Variants in HNMT observed in about 807,000 individuals in gnomAD.
The protein encoded by HNMT is histamine N-methyltransferase.
In HNMT, 30 loss-of-function variants were observed where a neutral mutation model predicts 32.1. The observed-to-expected ratio is 0.93, with a 90% confidence interval of 0.70 to 1.27. HNMT has a LOEUF of 1.27. Ranked by LOEUF, HNMT falls within the 50% of genes most tolerant of loss-of-function variation. The pLI is 0.00. For missense variants in HNMT, 327 were observed against 346.0 expected (o/e 0.95, Z 0.43); for synonymous variants, 125 against 119.0 (o/e 1.05, Z -0.33).
intron 2 of HNMT, among the ~76,000 whole-genome samples, chr2:137,971,182 G>A (rs1039108927): frequency 4.0e-5 from 6 of 151,204 alleles, no homozygotes; most frequent in Non-Finnish European, 7.4e-5. Context: ...TAACTCCTAA[G>A]CACCTTTTTT....
intron 5 of HNMT, among the ~76,000 whole-genome samples, chr2:138,007,640 G>C (rs796803040): frequency 1.3e-5 from 2 of 151,976 alleles, no homozygotes; most frequent in South Asian, 4.1e-4. Flanking sequence ...GCCATCCACT[G>C]TGTGCTCCAA....
At chr2:138,012,151 T>C (rs1681524999) in intron 5 of HNMT, among the ~76,000 whole-genome samples, 1 of 152,168 alleles carries the variant, frequency 6.6e-6, no homozygotes, top group African/African-American at 2.4e-5. Context: ...TAAGCACTTA[T>C]TACACATCTT....
At chr2:137,981,195 C>T in intron 2 of HNMT, 3 of 1,610,486 alleles carry the variant, frequency 1.9e-6, no homozygotes, top group Non-Finnish European at 1.7e-6. Context: ...GTCTTTAATC[C>T]CCTATTTTCT....
rs773929463 is a variant in HNMT at position 138,005,167 on chromosome 2, G to C, written c.465G>C (p.Leu155=). 3.1e-6 allele frequency: 5 copies of C among 1,603,448 alleles called. No individual in the cohort carries two copies. In the South Asian group the frequency reaches 5.5e-5, roughly 18 times the overall value. ...ATGTAAAAGACATCCCAGCTACCCT[G>C]AAATTCTTCCATAGTCTCTTAGGTA... ...LYYVKDIPAT[L]KFFHSLLGTN... Residue 155 remains leucine, a synonymous_variant, in exon 5 of 6, where the codon CTG becomes CTC. Transcript: ENST00000280097.
intron 1 of HNMT, among the ~76,000 whole-genome samples, chr2:137,965,857 C>T (rs573759439): frequency 9.9e-5 from 15 of 152,184 alleles, no homozygotes; most frequent in African/African-American, 3.6e-4. Flanking sequence ...GAAGAGGTAC[C>T]GTGGATGGAG....
intron 2 of HNMT, among the ~76,000 whole-genome samples, chr2:137,979,269 T>A (rs999618360): frequency 2.0e-4 from 30 of 150,564 alleles, no homozygotes; most frequent in Non-Finnish European, 4.4e-5. Flanking sequence ...TATACTTTTA[T>A]TTATTTATTT....
At chr2:137,974,648 C>A (rs1680234291) in intron 2 of HNMT, among the ~76,000 whole-genome samples, 1 of 152,118 alleles carries the variant, frequency 6.6e-6, no homozygotes, top group Non-Finnish European at 1.5e-5. Flanking sequence ...TGTTCAAATG[C>A]CAGAAAGTTT....
chr2:137,992,993 C>A (rs1351471492), intron 2 of HNMT, among the ~76,000 whole-genome samples: 1 of 152,122 alleles, frequency 6.6e-6, no homozygotes, highest in African/African-American at 2.4e-5. Flanking sequence ...AAAGCAACAA[C>A]AACAGCATCA....
chr2:137,986,542 T>C (rs945053276), intron 2 of HNMT, among the ~76,000 whole-genome samples: 1 of 152,148 alleles, frequency 6.6e-6, no homozygotes, highest in Non-Finnish European at 1.5e-5. Flanking sequence ...TTACTCAGTC[T>C]ACCAATTCAA....
rs5834598 is a variant in HNMT, at chr2:137,987,601, CTTTTTT to C, written c.191-13294_191-13289del. ...ATTCAGTTAGAAAGGACAATGGCCA[CTTTTTT>C]TTTTTTTTTTTTTTTTTTTTTTACT... On this transcript the variant is annotated intron_variant, in intron 2 of 5. Coordinates refer to ENST00000280097, the MANE Select transcript of HNMT (RefSeq NM_006895.3). Among the ~76,000 whole-genome samples, 9 of 70,286 alleles carry C rather than the reference CTTTTTT, an allele frequency of 1.3e-4. No individual in the cohort carries two copies. The East Asian group carries it at 1.6e-3, about 13-fold the overall frequency. 46.1% of individuals were successfully genotyped at this position (70,286 alleles called of 152,430 possible).
At chr2:137,983,383 G>C (rs184381108) in intron 2 of HNMT, among the ~76,000 whole-genome samples, 1 of 151,888 alleles carries the variant, frequency 6.6e-6, no homozygotes, top group Non-Finnish European at 1.5e-5. Context: ...TTATGTTTCC[G>C]ATTACCAATC....
intron 2 of HNMT, among the ~76,000 whole-genome samples, chr2:137,994,337 A>G (rs886405761): frequency 6.6e-6 from 1 of 152,216 alleles, no homozygotes; most frequent in Non-Finnish European, 1.5e-5. Flanking sequence ...AGGAAAATTT[A>G]CCAAGCAAAT....
At chr2:138,003,276 A>G (rs1573674771) in intron 4 of HNMT, among the ~76,000 whole-genome samples, 1 of 152,254 alleles carries the variant, frequency 6.6e-6, no homozygotes, top group Non-Finnish European at 1.5e-5. Context: ...TTGAGTAGAT[A>G]GCATGGGGCT....
chr2:137,985,024 A>T (rs1680609963), intron 2 of HNMT, among the ~76,000 whole-genome samples: 1 of 152,186 alleles, frequency 6.6e-6, no homozygotes, highest in African/African-American at 2.4e-5. Context: ...CAATCATGTC[A>T]TGAAGTTCTA....
At chr2:137,981,524 G>A (rs757560588) in intron 2 of HNMT, 3 of 671,248 alleles carry the variant, frequency 4.5e-6, no homozygotes, top group Non-Finnish European at 7.8e-6. Context: ...CCCACCATCC[G>A]TAAAATTAGG....
intron 2 of HNMT, among the ~76,000 whole-genome samples, chr2:137,989,581 C>G (rs1680756680): frequency 6.6e-6 from 1 of 152,188 alleles, no homozygotes. Context: ...TTTTGTGTGA[C>G]TGTAAGTTTT....
chr2:138,005,936 C>G (rs1681318360), intron 5 of HNMT, among the ~76,000 whole-genome samples: 1 of 151,956 alleles, frequency 6.6e-6, no homozygotes, highest in African/African-American at 2.4e-5. Context: ...AGATACACAG[C>G]AGACTCTGTC....
At chr2:137,976,159 G>A (rs1230754273) in intron 2 of HNMT, among the ~76,000 whole-genome samples, 5 of 151,864 alleles carry the variant, frequency 3.3e-5, no homozygotes, top group African/African-American at 9.7e-5. Context: ...CCAGCTACTC[G>A]GGAGGCTGAT....
intron 2 of HNMT, among the ~76,000 whole-genome samples, chr2:137,998,227 G>A (rs3113222): frequency 0.019 from 2,940 of 152,210 alleles, 94 homozygotes; most frequent in African/African-American, 0.067. Flanking sequence ...TAGAGAATTA[G>A]TTGGAAAGAG....
Sources: allele counts gnomAD v4.1 joint callset (sites outside exome capture counted in the v4.1 genomes callset), GRCh38; gene constraint gnomAD v4.1.1; transcripts MANE v1.5; gene names NCBI Gene and HGNC (gene_info 2026-07-23, HGNC 2026-07-21).